SORCS1: variants seen among roughly 807,000 people sequenced by gnomAD.
The protein encoded by SORCS1 is VPS10 domain-containing receptor SorCS1.
In SORCS1, 60 loss-of-function variants were observed where a neutral mutation model predicts 146.1. The observed-to-expected ratio is 0.41, with a 90% CI of 0.33 to 0.51. SORCS1 has a LOEUF of 0.51. Ranked by LOEUF, SORCS1 falls within the 20% of genes least tolerant of loss-of-function variation. The pLI is 0.21. For synonymous variants in SORCS1, 637 were observed against 584.0 expected, an observed-to-expected ratio of 1.09 and a Z score of -1.31; for missense variants, 1,352 against 1,487.6, an observed-to-expected ratio of 0.91 and a Z score of 1.50.
intron 2 of SORCS1, among the ~76,000 whole-genome samples, chr10:106,951,527 A>AAAT (rs1954684632): frequency 1.3e-5 from 2 of 151,720 alleles, no homozygotes; most frequent in Non-Finnish European, 2.9e-5. Context: ...AAAAAAAAAA[A>AAAT]AAACGGAACA....
chr10:107,175,560 C>T, the SORCS1 span, among the ~76,000 whole-genome samples: 4 of 152,032 alleles, frequency 2.6e-5, no homozygotes, highest in Non-Finnish European at 4.4e-5. Context: ...GTCAGCTTCC[C>T]GAGTAGCTGG....
intron 1 of SORCS1, among the ~76,000 whole-genome samples, chr10:107,149,061 G>A (rs1325571369): frequency 6.6e-6 from 1 of 152,194 alleles, no homozygotes; most frequent in East Asian, 1.9e-4. Flanking sequence ...TACGTGCAAG[G>A]AAAGAAGGGA....
At chr10:107,115,454 A>G (rs919202408) in intron 1 of SORCS1, among the ~76,000 whole-genome samples, 2 of 152,132 alleles carry the variant, frequency 1.3e-5, no homozygotes, top group Non-Finnish European at 2.9e-5. Context: ...AAGCACACAC[A>G]TATGTCGTCA....
chr10:106,916,164 T>A (rs1952415287), intron 2 of SORCS1, among the ~76,000 whole-genome samples: 1 of 152,222 alleles, frequency 6.6e-6, no homozygotes, highest in African/African-American at 2.4e-5. Context: ...ACTCTGTGAA[T>A]ACATTATTCA....
chr10:106,773,664 C>T (rs1226106746), intron 4 of SORCS1, among the ~76,000 whole-genome samples: 2 of 152,144 alleles, frequency 1.3e-5, no homozygotes. Context: ...AAAACGAGAA[C>T]CCTGGCTGGG....
intron 18 of SORCS1, among the ~76,000 whole-genome samples, chr10:106,641,420 T>A (rs556895691): frequency 6.6e-6 from 1 of 152,314 alleles, no homozygotes; most frequent in East Asian, 1.9e-4. Context: ...CAATAAGAAG[T>A]GCTCCTCTTT....
chr10:106,650,825 T>A (rs1160938450), intron 18 of SORCS1, among the ~76,000 whole-genome samples: 1 of 152,208 alleles, frequency 6.6e-6, no homozygotes, highest in Non-Finnish European at 1.5e-5. Context: ...TTCTCAATCC[T>A]CCTGATAGTT....
At chr10:106,908,918 C>T (rs1437913735) in intron 2 of SORCS1, among the ~76,000 whole-genome samples, 1 of 152,216 alleles carries the variant, frequency 6.6e-6, no homozygotes, top group African/African-American at 2.4e-5. Flanking sequence ...CATCTTTAAA[C>T]TGTCCATTTA....
intron 1 of SORCS1, among the ~76,000 whole-genome samples, chr10:107,034,890 A>C (rs967530929): frequency 2.6e-5 from 4 of 151,880 alleles, no homozygotes; most frequent in African/African-American, 9.7e-5. Context: ...AATATAAAAT[A>C]ATTTAATCTA....
At position 106,793,008 on chromosome 10, in the gene SORCS1, T is replaced by G. The variant is rs76626235; in HGVS notation, c.727-16316A>C. Among the ~76,000 whole-genome samples the G allele has an allele frequency of 2.4e-3, 363 of 152,240 alleles. 14 individuals carry two copies. In the East Asian group the frequency reaches 0.057, roughly 24 times the overall value. ...TTTTTTTAAAATCTAATTTAAGAAG[T>G]TTCTGCAACCAAGTGACAGTCCCTG... On this transcript the variant is annotated intron_variant, in intron 3 of 25. Coordinates refer to ENST00000263054, the MANE Select transcript of SORCS1 (RefSeq NM_052918.5).
intron 1 of SORCS1, among the ~76,000 whole-genome samples, chr10:107,035,272 A>AAG (rs1958853738): frequency 7.0e-6 from 1 of 143,558 alleles, no homozygotes; most frequent in African/African-American, 2.7e-5. Context: ...CAAAAAAAAA[A>AAG]AAACAACAAA....
Position 106,724,179 on chromosome 10 carries a change from T to C in SORCS1, c.1024+5871A>G, listed in dbSNP as rs559132392. On this transcript the variant is annotated intron_variant, in intron 6 of 25. Transcript: ENST00000263054. ...TCGAGTTAATTTCCAACCCTTACAA[T>C]TGAAAGTAATCTTGTAAGTTATAAG... is the stretch of plus-strand genomic sequence containing the variant. 2.6e-5 allele frequency among the ~76,000 whole-genome samples: 4 copies of C among 152,236 alleles called. No individual in the cohort carries two copies. In the East Asian group the frequency reaches 7.7e-4, roughly 29 times the overall value.
At chr10:106,787,672 T>C (rs1946118033) in intron 3 of SORCS1, among the ~76,000 whole-genome samples, 1 of 152,190 alleles carries the variant, frequency 6.6e-6, no homozygotes, top group Non-Finnish European at 1.5e-5. Flanking sequence ...AACAAAAATG[T>C]TGCCTTCTTT....
At chr10:107,050,475 T>C (rs1484730172) in intron 1 of SORCS1, among the ~76,000 whole-genome samples, 1 of 152,180 alleles carries the variant, frequency 6.6e-6, no homozygotes, top group Non-Finnish European at 1.5e-5. Flanking sequence ...ATTTTGATTG[T>C]AGAACAGTTC....
intron 19 of SORCS1, among the ~76,000 whole-genome samples, 161 bp from the exon 20 acceptor site, chr10:106,620,722 G>T (rs899282152): frequency 2.0e-5 from 3 of 152,208 alleles, no homozygotes; most frequent in African/African-American, 7.2e-5. Context: ...TTTGGAGAAA[G>T]AATACATTGA....
At chr10:106,596,713 T>C (rs112691165) in intron 24 of SORCS1, among the ~76,000 whole-genome samples, 1 of 152,318 alleles carries the variant, frequency 6.6e-6, no homozygotes, top group South Asian at 2.1e-4. Flanking sequence ...TTCTTTGTAA[T>C]ATGAATATGT....
chr10:106,791,239 T>G (rs1327896321), intron 3 of SORCS1, among the ~76,000 whole-genome samples: 1 of 152,246 alleles, frequency 6.6e-6, no homozygotes, highest in African/African-American at 2.4e-5. Flanking sequence ...ATCATTTTTA[T>G]TGGTGATATA....
intron 12 of SORCS1, 76 bp from the exon 13 acceptor site, chr10:106,677,480 A>G: frequency 7.7e-7 from 1 of 1,296,984 alleles, no homozygotes; most frequent in Non-Finnish European, 1.1e-6. Context: ...CAGTCTTCAC[A>G]TGAGAACAAA....
chr10:107,059,924 A>G (rs1961017393), intron 1 of SORCS1, among the ~76,000 whole-genome samples: 1 of 152,134 alleles, frequency 6.6e-6, no homozygotes, highest in Non-Finnish European at 1.5e-5. Flanking sequence ...TTGAGAGTAG[A>G]CGTTCTACTA....
Sources: gnomAD v4.1 joint callset for allele counts (sites outside exome capture counted in the v4.1 genomes callset) on GRCh38, gnomAD v4.1.1 for gene constraint, MANE v1.5 for transcripts, NCBI Gene and HGNC (gene_info 2026-07-23, HGNC 2026-07-21) for gene names.